The following SVEP1 variants were observed in gnomAD, a reference collection of about 807,000 sequenced individuals.
The protein encoded by SVEP1 is sushi, von Willebrand factor type A, EGF and pentraxin domain-containing protein 1.
SVEP1 carries 164 observed loss-of-function variants against 367.3 expected under a neutral mutation model. The ratio of observed to expected loss-of-function variants is 0.45; its 90% CI spans 0.39 to 0.51. The LOEUF (loss-of-function observed/expected upper bound fraction) is 0.51, where lower values mean the gene tolerates loss of function less well. Ranked by LOEUF, SVEP1 falls within the 20% of genes least tolerant of loss-of-function variation. The pLI is 0.00. For missense variants in SVEP1, 4,117 were observed against 4,425.3 expected (o/e 0.93, Z 1.98); for synonymous variants, 1,666 against 1,611.6 (o/e 1.03, Z -0.81).
chr9:110,391,567 C>A (rs750898734), intron 40 of SVEP1, among the ~76,000 whole-genome samples: 3 of 152,070 alleles, frequency 2.0e-5, no homozygotes, highest in Non-Finnish European at 2.9e-5. Flanking sequence ...CCACCATGCC[C>A]GGCCTTGATG....
At chr9:110,433,126 C>T (rs1201613104) in intron 30 of SVEP1, among the ~76,000 whole-genome samples, 2 of 152,162 alleles carry the variant, frequency 1.3e-5, no homozygotes, top group South Asian at 2.1e-4. Flanking sequence ...GTAAAATCTC[C>T]TTGAGGCCTC....
In SVEP1 at chr9:110,400,902, G is replaced by A; in HGVS notation, c.9774C>T (p.Thr3258=). The A allele has an allele frequency of 6.2e-7, 1 of 1,613,834 alleles. No individual in the cohort carries two copies. Among genetic ancestry groups the A allele is most frequent in the South Asian group, 1.1e-5 (1 of 91,072 alleles). The change falls in exon 40 of 48, where the codon ACC becomes ACT. Residue 3258 remains threonine, a synonymous_variant. Coordinates refer to ENST00000374469, the MANE Select transcript of SVEP1 (RefSeq NM_153366.4). The stretch of plus-strand genomic sequence containing the variant: ...ACTGATAAATAATTGTGCTTTCAAA[G>A]GTGTATTTACTGCCAACCACAAATC... ...EHGFVVGSKY[T]FESTIIYQCE...
chr9:110,410,976 G>T lies in SVEP1; in HGVS notation c.6648+87C>A, dbSNP rs145393068. ...TCCATGCCTTAGTGAACTTGGCAGTGTTTGGACTCAATTATTTGTTTTGTT... is the reference window on the plus strand; with the variant it reads ...TCCATGCCTTAGTGAACTTGGCAGTTTTTGGACTCAATTATTTGTTTTGTT... On this transcript the variant is annotated intron_variant, in intron 37 of 47. Coordinates refer to ENST00000374469, the MANE Select transcript of SVEP1 (RefSeq NM_153366.4). 167 of 1,252,376 alleles carry T rather than the reference G, an allele frequency of 1.3e-4. No individual in the cohort carries two copies. In the Middle Eastern group the frequency reaches 2.8e-3, roughly 21 times the overall value. 77.6% of individuals were successfully genotyped at this position (1,252,376 alleles called of 1,614,324 possible). A position where few individuals can be genotyped will look rare whatever the true frequency, so the allele number is the denominator to read the frequency against.
chr9:110,392,287 C>T lies in SVEP1; in HGVS notation c.9823-2700G>A, dbSNP rs183149038. On this transcript the variant is annotated intron_variant, in intron 40 of 47. Coordinates refer to ENST00000374469, the MANE Select transcript of SVEP1 (RefSeq NM_153366.4). ...GCCCTGTCAATTTATTTGTCTTGGACACTGAAAAACTGGGTCATTGGTCCT... is the reference window on the plus strand; with the variant it reads ...GCCCTGTCAATTTATTTGTCTTGGATACTGAAAAACTGGGTCATTGGTCCT... Among the ~76,000 whole-genome samples, 64 of 152,078 alleles carry T rather than the reference C, an allele frequency of 4.2e-4. 1 individual carries two copies. In the East Asian group the frequency reaches 8.7e-3, roughly 21 times the overall value.
intron 38 of SVEP1, among the ~76,000 whole-genome samples, chr9:110,405,900 T>C (rs1827946892): frequency 1.3e-5 from 2 of 152,248 alleles, no homozygotes; most frequent in Admixed American, 1.3e-4. Context: ...TCTTGCTGTT[T>C]GTTTCACGAA....
intron 8 of SVEP1, among the ~76,000 whole-genome samples, chr9:110,492,805 C>T (rs1829388917): frequency 6.6e-6 from 1 of 152,018 alleles, no homozygotes; most frequent in South Asian, 2.1e-4. Flanking sequence ...CATCCCATTC[C>T]CAGGCTGGAT....
intron 18 of SVEP1, among the ~76,000 whole-genome samples, chr9:110,465,066 C>T (rs1828913895): frequency 6.6e-6 from 1 of 151,572 alleles, no homozygotes; most frequent in South Asian, 2.1e-4. Context: ...CTATTTAAAC[C>T]AGTGGTTCTC....
rs574378634 is a variant in SVEP1, at chr9:110,405,432, T to G, written c.9440+728A>C. Among the ~76,000 whole-genome samples, 337 of 151,688 alleles carry G rather than the reference T, an allele frequency of 2.2e-3. 4 individuals carry two copies. The highest frequency in any genetic ancestry group is 7.6e-3 in the African/African-American group (316 of 41,314). On this transcript the variant is annotated intron_variant, in intron 38 of 47. Transcript: ENST00000374469. ...AATACAGCATAATTCATTTGTATTATGAATACCTACGTGGACTCAGATACT... is the reference window on the plus strand; with the variant it reads ...AATACAGCATAATTCATTTGTATTAGGAATACCTACGTGGACTCAGATACT...
chr9:110,523,348 A>G (rs575269793), intron 3 of SVEP1, among the ~76,000 whole-genome samples: 1 of 152,338 alleles, frequency 6.6e-6, no homozygotes, highest in Admixed American at 6.5e-5. Flanking sequence ...AGCATTTTGT[A>G]TATGTTTGAT....
At chr9:110,577,226 T>A (rs772382781) in intron 1 of SVEP1, among the ~76,000 whole-genome samples, 12 of 152,142 alleles carry the variant, frequency 7.9e-5, no homozygotes, top group Non-Finnish European at 1.3e-4. Context: ...GAATTTGCAC[T>A]ACCAGATATT....
intron 3 of SVEP1, among the ~76,000 whole-genome samples, chr9:110,520,707 A>G (rs1347983187): frequency 1.3e-5 from 2 of 152,248 alleles, no homozygotes; most frequent in Non-Finnish European, 2.9e-5. Context: ...TATTAATAAC[A>G]TATATTAGAC....
intron 23 of SVEP1, among the ~76,000 whole-genome samples, chr9:110,450,645 T>C (rs1588059538): frequency 7.3e-6 from 1 of 136,382 alleles, no homozygotes; most frequent in Non-Finnish European, 1.6e-5. Context: ...AATTTTTGTA[T>C]TTTTTTTTTA....
At chr9:110,524,133 G>A (rs554601492) in intron 3 of SVEP1, among the ~76,000 whole-genome samples, 1 of 152,156 alleles carries the variant, frequency 6.6e-6, no homozygotes, top group Non-Finnish European at 1.5e-5. Context: ...TAGCCCTATG[G>A]TTAAGAAAAT....
intron 18 of SVEP1, among the ~76,000 whole-genome samples, chr9:110,465,224 T>C (rs1021186909): frequency 6.6e-6 from 1 of 151,934 alleles, no homozygotes; most frequent in Non-Finnish European, 1.5e-5. Context: ...CTCTCCATGC[T>C]GACATTTGAG....
chr9:110,473,466 A>G (rs1193339067), intron 14 of SVEP1, among the ~76,000 whole-genome samples: 1 of 152,140 alleles, frequency 6.6e-6, no homozygotes, highest in Non-Finnish European at 1.5e-5. Context: ...ACACACACAC[A>G]AACCTGGAAT....
At chr9:110,373,857 G>A (rs1157882188) in intron 46 of SVEP1, among the ~76,000 whole-genome samples, 1 of 152,114 alleles carries the variant, frequency 6.6e-6, no homozygotes, top group Admixed American at 6.5e-5. Context: ...TGGGCCAAAT[G>A]CTGTATTTGA....
At position 110,450,130 on chromosome 9, in the gene SVEP1, C is replaced by A; in HGVS notation, c.4032G>T (p.Lys1344Asn). The change falls in exon 24 of 48, where the codon AAG (lysine) becomes AAT (asparagine). Residue 1344 changes from lysine to asparagine, a missense_variant. By Grantham distance (94) the Lys-to-Asn change is moderately conservative. This residue lies in a region of SVEP1 where 2,174 missense variants were observed against 2,494.3 expected (regional missense o/e 0.87). Coordinates refer to ENST00000374469, the MANE Select transcript of SVEP1 (RefSeq NM_153366.4). ...PPGFLGTRCG[K>N]NVDECLSQPC... ...GCTGACTGAGACACTCATCGACGTT[C>A]TTTCCACATCGGGTACCCAAAAATC... is the stretch of plus-strand genomic sequence containing the variant. 2 of 1,613,978 alleles carry A rather than the reference C, an allele frequency of 1.2e-6. No homozygotes were observed. The highest frequency in any genetic ancestry group is 1.7e-6 in the Non-Finnish European group (2 of 1,179,846).
intron 3 of SVEP1, among the ~76,000 whole-genome samples, chr9:110,514,372 G>A (rs1162504753): frequency 4.6e-5 from 7 of 152,044 alleles, no homozygotes; most frequent in Non-Finnish European, 1.0e-4. Flanking sequence ...AATTAGCTGG[G>A]TGTGGTGGCG....
chr9:110,550,021 T>C lies in SVEP1; in HGVS notation c.615A>G (p.Arg205=), dbSNP rs575958638. 2.0e-5 allele frequency: 32 copies of C among 1,614,008 alleles called. No individual in the cohort carries two copies. In the East Asian group the frequency reaches 2.9e-4, roughly 15 times the overall value. The change falls in exon 2 of 48, where the codon AGA becomes AGG. Residue 205 remains arginine (R), a synonymous_variant. Coordinates refer to ENST00000374469, the MANE Select transcript of SVEP1 (RefSeq NM_153366.4). ...TDGYSNGGDP[R]PIAASLRDSG... ...AATCTCGCAGTGACGCTGCAATTGG[T>C]CTAGGGTCTCCCCCATTGGAATATC...
Sources: gnomAD v4.1 joint callset for allele counts (sites outside exome capture counted in the v4.1 genomes callset) on GRCh38, gnomAD v4.1.1 for gene constraint, gnomAD v4.1.1 regional missense constraint, MANE v1.5 for transcripts, NCBI Gene and HGNC (gene_info 2026-07-23, HGNC 2026-07-21) for gene names.